The following C1orf87 variants were observed in gnomAD, a reference collection of about 807,000 sequenced individuals.
C1orf87 encodes uncharacterized protein C1orf87.
Under a neutral mutation model 60.5 loss-of-function variants are expected in C1orf87, and 58 were observed. That is an observed-to-expected ratio of 0.96 (90% CI 0.78 to 1.19). C1orf87 has a LOEUF of 1.19. Among genes scored for constraint, C1orf87 ranks in the 50% most tolerant of loss-of-function variants. C1orf87 has a pLI of 0.00. For missense variants in C1orf87, 673 were observed against 638.6 expected, an observed-to-expected ratio of 1.05 and a Z score of -0.58; for synonymous variants, 236 against 227.4, an observed-to-expected ratio of 1.04 and a Z score of -0.34.
Position 60,010,535 on chromosome 1 carries a change from T to C in C1orf87, c.1128-79A>G, listed in dbSNP as rs1468205381. On this transcript the variant is annotated intron_variant, in intron 8 of 11. Transcript: ENST00000371201. ...ATGTCCAGTGAAGCTCTGTTTATAT[T>C]GGTAGTGATATTGAATAAGCTTTTT... 17 of 1,241,142 alleles carry C rather than the reference T, an allele frequency of 1.4e-5. No individual in the cohort carries two copies. The East Asian group carries it at 4.0e-4, about 29-fold the overall frequency. 76.9% of individuals were successfully genotyped at this position (1,241,142 alleles called of 1,614,324 possible). A position where few individuals can be genotyped will look rare whatever the true frequency, so the allele number is the denominator to read the frequency against.
intron 3 of C1orf87, among the ~76,000 whole-genome samples, chr1:60,053,236 T>C (rs1367680760): frequency 6.6e-6 from 1 of 152,206 alleles, no homozygotes; most frequent in Non-Finnish European, 1.5e-5. Context: ...GTTTGTTAAG[T>C]GAACTGTGTT....
At chr1:60,027,102 G>A (rs920284927) in intron 7 of C1orf87, among the ~76,000 whole-genome samples, 2 of 152,172 alleles carry the variant, frequency 1.3e-5, no homozygotes, top group Non-Finnish European at 2.9e-5. Flanking sequence ...ACTATTTTTA[G>A]AGGAAGCTCA....
chr1:60,056,159 G>T (rs1000282559), intron 2 of C1orf87, among the ~76,000 whole-genome samples: 2 of 152,010 alleles, frequency 1.3e-5, no homozygotes, highest in Non-Finnish European at 1.5e-5. Context: ...CAGAAGAATC[G>T]CTTGAACCCA....
At chr1:60,014,999 A>G (rs1645115797) in intron 8 of C1orf87, among the ~76,000 whole-genome samples, 2 of 152,206 alleles carry the variant, frequency 1.3e-5, no homozygotes, top group East Asian at 3.9e-4. Flanking sequence ...TACTTCAGTC[A>G]AGGGAAACAA....
intron 2 of C1orf87, among the ~76,000 whole-genome samples, chr1:60,064,774 A>AATATATAAATATATAATTATATTTAAT (rs1557481920): frequency 1.9e-4 from 18 of 94,222 alleles, no homozygotes; most frequent in African/African-American, 8.3e-4. Flanking sequence ...AATTATATTT[A>AATATATAAATATATAATTATATTTAAT]ATATATAAAT....
At chr1:59,992,609 C>T (rs2100229442) in intron 11 of C1orf87, among the ~76,000 whole-genome samples, 1 of 152,242 alleles carries the variant, frequency 6.6e-6, no homozygotes, top group Admixed American at 6.5e-5. Flanking sequence ...AAATTCCTTC[C>T]TAAAGAATCC....
intron 5 of C1orf87, among the ~76,000 whole-genome samples, chr1:60,038,773 T>C (rs1383622215): frequency 6.6e-6 from 1 of 152,110 alleles, no homozygotes; most frequent in East Asian, 1.9e-4. Context: ...AAGTGAAAAA[T>C]CTGAAGACCT....
intron 2 of C1orf87, among the ~76,000 whole-genome samples, chr1:60,063,854 T>C (rs1263366185): frequency 6.6e-6 from 1 of 151,992 alleles, no homozygotes; most frequent in Non-Finnish European, 1.5e-5. Context: ...TTTTTATGAG[T>C]GTGATGGCCA....
intron 2 of C1orf87, among the ~76,000 whole-genome samples, chr1:60,066,682 CT>C (rs79196798): frequency 2.6e-4 from 39 of 147,662 alleles, no homozygotes; most frequent in African/African-American, 4.5e-4. Flanking sequence ...CACAAATGTT[CT>C]TTTTTTTTTT....
Position 60,041,113 on chromosome 1 carries a change from C to T in C1orf87, c.361G>A (p.Val121Ile). The change falls in exon 4 of 12, where the codon GTC (valine) becomes ATC (isoleucine). Residue 121 changes from valine (V) to isoleucine (I), a missense_variant. Transcript: ENST00000371201. The stretch of plus-strand genomic sequence containing the variant: ...CCGGTTGGTACAGAGCTGCAGTGGA[C>T]ATTTGCTTGACTGGGAATCTTAACA... ...LDGNIPSQAN[V>I]HCSSVPTGDQ... is the part of the protein sequence containing the mutation. 1.3e-6 allele frequency: 2 copies of T among 1,584,910 alleles called. No individual in the cohort carries two copies. The highest frequency in any genetic ancestry group is 1.7e-6 in the Non-Finnish European group (2 of 1,160,090).
intron 3 of C1orf87, among the ~76,000 whole-genome samples, chr1:60,042,780 A>G (rs1335974216): frequency 2.6e-5 from 4 of 152,224 alleles, no homozygotes; most frequent in Admixed American, 2.0e-4. Flanking sequence ...AGTTTGGGCC[A>G]GGCACTGTCA....
chr1:60,047,771 C>T (rs1645384016), intron 3 of C1orf87, among the ~76,000 whole-genome samples: 1 of 149,978 alleles, frequency 6.7e-6, no homozygotes, highest in Non-Finnish European at 1.5e-5. Context: ...TAGTGACTCA[C>T]TTGCTTTATC....
At position 60,038,041 on chromosome 1, in the gene C1orf87, C is replaced by T. The variant is rs1375957108; in HGVS notation, c.814G>A (p.Ala272Thr). 4.3e-6 allele frequency: 7 copies of T among 1,610,696 alleles called. No homozygotes were observed. The highest frequency in any genetic ancestry group is 1.7e-4 in the Middle Eastern group (1 of 6,050). ...TCAGTTTTTCTCAGGTCTGCAGCTG[C>T]TTTATTTTGCTGTGGATAATCTGAT... ...AASDYPQQNKAAADLRKTESH... is the reference protein window; with the variant it reads ...AASDYPQQNKTAADLRKTESH... Residue 272 changes from alanine (A) to threonine (T), a missense_variant, in exon 6 of 12, where the codon GCA becomes ACA. Physicochemically the swap from Ala to Thr is moderately conservative, Grantham distance 58 (BLOSUM62 0). Transcript: ENST00000371201.
At chr1:60,045,377 G>A (rs1574319098) in intron 3 of C1orf87, among the ~76,000 whole-genome samples, 1 of 152,018 alleles carries the variant, frequency 6.6e-6, no homozygotes, top group African/African-American at 2.4e-5. Context: ...GATTTTAAAT[G>A]TGCTTTAAAC....
chr1:60,064,585 TATATA>T (rs2100330633), intron 2 of C1orf87, among the ~76,000 whole-genome samples: 1 of 115,388 alleles, frequency 8.7e-6, no homozygotes, highest in Non-Finnish European at 1.7e-5. Context: ...ATATATATCA[TATATA>T]ATATATATAT....
chr1:59,990,486 C>T lies in C1orf87; in HGVS notation c.*187G>A. ...AAGATAAAACTAGGTTTCCTCTGAT[C>T]ACTTTGAACTGCTTATGAGTGAGCA... On this transcript the variant is annotated 3_prime_UTR_variant, in exon 12 of 12. Transcript: ENST00000371201. The T allele has an allele frequency of 1.9e-6, 1 of 532,610 alleles. No homozygotes were observed. Among genetic ancestry groups the T allele is most frequent in the South Asian group, 4.9e-5 (1 of 20,468 alleles). 33.0% of individuals were successfully genotyped at this position (532,610 alleles called of 1,614,324 possible).
intron 11 of C1orf87, among the ~76,000 whole-genome samples, chr1:59,993,193 C>T (rs1421366336): frequency 6.6e-6 from 1 of 151,854 alleles, no homozygotes; most frequent in Non-Finnish European, 1.5e-5. Context: ...TGCATTCTAG[C>T]CCAGGCAACG....
chr1:60,047,388 C>T (rs1645380140), intron 3 of C1orf87, among the ~76,000 whole-genome samples: 1 of 151,976 alleles, frequency 6.6e-6, no homozygotes, highest in Non-Finnish European at 1.5e-5. Context: ...CAAATTATGT[C>T]GCTTTCAACT....
intron 2 of C1orf87, among the ~76,000 whole-genome samples, chr1:60,061,423 T>C (rs1645495821): frequency 6.6e-6 from 1 of 152,246 alleles, no homozygotes; most frequent in Non-Finnish European, 1.5e-5. Flanking sequence ...TACAGGCCAA[T>C]ACTTCTATCT....
Sources: gnomAD v4.1 joint callset for allele counts (sites outside exome capture counted in the v4.1 genomes callset) on GRCh38, gnomAD v4.1.1 for gene constraint, MANE v1.5 for transcripts, NCBI Gene and HGNC (gene_info 2026-07-23, HGNC 2026-07-21) for gene names.